Variants in CELF4 observed in about 807,000 individuals in gnomAD.
CELF4 encodes CUGBP Elav-like family member 4.
CELF4 carries 18 observed loss-of-function variants against 59.9 expected under a neutral mutation model. The ratio of observed to expected loss-of-function variants is 0.30; its 90% CI spans 0.21 to 0.45. The LOEUF (loss-of-function observed/expected upper bound fraction) is 0.45, where lower values mean the gene tolerates loss of function less well. Ranked by LOEUF, CELF4 falls within the 20% of genes least tolerant of loss-of-function variation. The pLI, the probability that CELF4 is intolerant of heterozygous loss-of-function variation, is 1.00. For missense variants in CELF4, 456 were observed against 689.0 expected, an observed-to-expected ratio of 0.66 and a Z score of 3.79; for synonymous variants, 261 against 267.1, an observed-to-expected ratio of 0.98 and a Z score of 0.22.
intron 2 of CELF4, among the ~76,000 whole-genome samples, chr18:37,348,757 C>A (rs564682996): frequency 6.6e-6 from 1 of 152,334 alleles, no homozygotes; most frequent in African/African-American, 2.4e-5. Flanking sequence ...CTTTCTCACA[C>A]CTCCTTTCCT....
At chr18:37,344,132 G>T (rs139375720) in intron 2 of CELF4, among the ~76,000 whole-genome samples, 1 of 152,340 alleles carries the variant, frequency 6.6e-6, no homozygotes, top group African/African-American at 2.4e-5. Flanking sequence ...GCTTGATGTG[G>T]CTCATTCAGG....
chr18:37,507,148 G>A (rs993553485), intron 1 of CELF4, among the ~76,000 whole-genome samples: 9 of 152,140 alleles, frequency 5.9e-5, no homozygotes, highest in South Asian at 4.2e-4. Context: ...CACTCAAGGC[G>A]TTCACCATGA....
In CELF4 at chr18:37,332,522, C is replaced by T. The variant is rs554455173; in HGVS notation, c.370-10641G>A. On this transcript the variant is annotated intron_variant, in intron 2 of 12. Coordinates refer to ENST00000420428, the MANE Select transcript of CELF4 (RefSeq NM_020180.4). The stretch of plus-strand genomic sequence containing the variant: ...CTCCCCACTCTCTCCCATCCCTCTC[C>T]GAGCCTCCACCCTCTCCTATCTCTC... 1.7e-4 allele frequency among the ~76,000 whole-genome samples: 26 copies of T among 152,238 alleles called. No individual in the cohort carries two copies. The East Asian group carries it at 2.3e-3, about 14-fold the overall frequency.
At chr18:37,268,005 C>G (rs1363936967) in intron 8 of CELF4, among the ~76,000 whole-genome samples, 1 of 152,158 alleles carries the variant, frequency 6.6e-6, no homozygotes, top group Non-Finnish European at 1.5e-5. Flanking sequence ...CCATTGCACT[C>G]CAGCCTGGGC....
intron 1 of CELF4, among the ~76,000 whole-genome samples, chr18:37,499,591 G>A (rs145173182): frequency 3.9e-5 from 6 of 152,316 alleles, no homozygotes; most frequent in African/African-American, 7.2e-5. Flanking sequence ...CTTCTCAAGC[G>A]GACCCTGTGA....
chr18:37,552,131 C>T (rs1031279251), intron 1 of CELF4, among the ~76,000 whole-genome samples: 4 of 152,234 alleles, frequency 2.6e-5, no homozygotes, highest in African/African-American at 4.8e-5. Context: ...CGGGGGTTCC[C>T]ACATCCCCCC....
chr18:37,322,736 AGG>A (rs1435742353), intron 2 of CELF4, among the ~76,000 whole-genome samples: 4 of 152,192 alleles, frequency 2.6e-5, no homozygotes, highest in Non-Finnish European at 4.4e-5. Context: ...AAACGTGAGG[AGG>A]ATCACGCCAG....
intron 2 of CELF4, among the ~76,000 whole-genome samples, chr18:37,469,775 C>T (rs1002562898): frequency 9.9e-5 from 15 of 152,186 alleles, no homozygotes; most frequent in Admixed American, 9.8e-4. Context: ...ATTGATTTAT[C>T]TATCAGTGAT....
chr18:37,339,219 G>A (rs1207258017), intron 2 of CELF4, among the ~76,000 whole-genome samples: 3 of 152,200 alleles, frequency 2.0e-5, no homozygotes, highest in Admixed American at 1.3e-4. Context: ...GCCAAGCCTG[G>A]AGATGATATT....
chr18:37,395,791 GC>G (rs1284904806), intron 2 of CELF4, among the ~76,000 whole-genome samples: 1 of 152,184 alleles, frequency 6.6e-6, no homozygotes, highest in African/African-American at 2.4e-5. Context: ...CAGTCCTGAG[GC>G]CCCCACATGG....
chr18:37,380,261 T>C (rs142660298), intron 2 of CELF4, among the ~76,000 whole-genome samples: 167 of 152,266 alleles, frequency 1.1e-3, no homozygotes, highest in African/African-American at 3.9e-3. Flanking sequence ...CTCCCCACTT[T>C]ATCTGTCACT....
chr18:37,501,210 C>T (rs111299645), intron 1 of CELF4, among the ~76,000 whole-genome samples: 2,509 of 152,340 alleles, frequency 0.016, 23 homozygotes, highest in Non-Finnish European at 0.024. Flanking sequence ...TTAGCTCAGA[C>T]GCCAGGATAG....
chr18:37,294,422 C>T (rs7231798), intron 3 of CELF4, among the ~76,000 whole-genome samples: 72,616 of 152,006 alleles, frequency 0.48, 17,751 homozygotes, highest in South Asian at 0.62. Context: ...CCATCTGCCC[C>T]GAGTAGGTGA....
chr18:37,523,641 G>A (rs1241979349), intron 1 of CELF4, among the ~76,000 whole-genome samples: 1 of 152,194 alleles, frequency 6.6e-6, no homozygotes, highest in East Asian at 1.9e-4. Context: ...GGCTGCGAGT[G>A]GAATGGGTCT....
chr18:37,371,603 C>T (rs988295828), intron 2 of CELF4, among the ~76,000 whole-genome samples: 2 of 152,190 alleles, frequency 1.3e-5, no homozygotes, highest in South Asian at 2.1e-4. Context: ...TGCCAGGCTC[C>T]TAGTGTAGGC....
intron 2 of CELF4, among the ~76,000 whole-genome samples, chr18:37,342,374 A>T (rs913206830): frequency 1.3e-5 from 2 of 152,112 alleles, no homozygotes; most frequent in African/African-American, 4.8e-5. Flanking sequence ...TTAGGCCTGG[A>T]GAGTGCAAGG....
intron 1 of CELF4, chr18:37,485,861 A>G: frequency 9.8e-6 from 2 of 203,586 alleles, no homozygotes; most frequent in African/African-American, 6.3e-5. Flanking sequence ...TCTTCCCCCC[A>G]CCACACCCCC....
At chr18:37,500,526 C>CT (rs141258242) in intron 1 of CELF4, among the ~76,000 whole-genome samples, 45,000 of 117,692 alleles carry the variant, frequency 0.38, 8,250 homozygotes, top group East Asian at 0.64. Context: ...CTTTTCTTTT[C>CT]TTTTCTTTTT....
intron 2 of CELF4, among the ~76,000 whole-genome samples, chr18:37,428,497 G>A (rs576410495): frequency 5.9e-5 from 9 of 152,246 alleles, no homozygotes; most frequent in Non-Finnish European, 8.8e-5. Flanking sequence ...TTCCAAGGGC[G>A]TCTACAAGGA....
Sources: allele counts gnomAD v4.1 joint callset (sites outside exome capture counted in the v4.1 genomes callset), GRCh38; gene constraint gnomAD v4.1.1; transcripts MANE v1.5; gene names NCBI Gene and HGNC (gene_info 2026-07-23, HGNC 2026-07-21).